Variants in ACSM5 observed in about 807,000 individuals in gnomAD.
ACSM5 encodes acyl-CoA synthetase medium chain family member 5.
In ACSM5, 56 loss-of-function variants were observed where a neutral mutation model predicts 71.6. The ratio of observed to expected loss-of-function variants is 0.78; its 90% CI spans 0.63 to 0.98. The LOEUF (loss-of-function observed/expected upper bound fraction) is 0.98. ACSM5 is among the 50% of genes least tolerant of loss of function. The pLI, the probability that ACSM5 is intolerant of heterozygous loss-of-function variation, is 0.00. For synonymous variants in ACSM5, 285 were observed against 281.5 expected (o/e 1.01, Z -0.12); for missense variants, 723 against 726.0 (o/e 1.00, Z 0.05).
At chr16:20,440,132 C>G (rs1296731128) in intron 13 of ACSM5, 13 of 688,930 alleles carry the variant, frequency 1.9e-5, no homozygotes, top group Non-Finnish European at 3.2e-5. Context: ...CTGATCCCTA[C>G]CACAAATCAG....
intron 4 of ACSM5, 197 bp from the exon 5 acceptor site, chr16:20,421,061 T>C (rs1158173189): frequency 4.1e-6 from 2 of 489,800 alleles, no homozygotes; most frequent in East Asian, 3.7e-5. Flanking sequence ...GAGCCTCAGT[T>C]TCCTGGTCTG....
chr16:20,425,030 C>A (rs1361353785), intron 6 of ACSM5, among the ~76,000 whole-genome samples: 1 of 152,088 alleles, frequency 6.6e-6, no homozygotes, highest in East Asian at 1.9e-4. Flanking sequence ...TTAAAATGTA[C>A]AATTAAGTTT....
chr16:20,434,375 G>A (rs1018158064), intron 10 of ACSM5, among the ~76,000 whole-genome samples: 1 of 152,092 alleles, frequency 6.6e-6, no homozygotes, highest in Non-Finnish European at 1.5e-5. Context: ...CCAGTTATCT[G>A]TCATGCTAAT....
rs1486596128 is a variant in ACSM5 at position 20,440,490 on chromosome 16, G to A, written c.*63G>A. 173 of 1,444,630 alleles carry A rather than the reference G, an allele frequency of 1.2e-4. 3 individuals carry two copies. Among genetic ancestry groups the A allele is most frequent in the Non-Finnish European group, 1.6e-4 (169 of 1,025,930 alleles). 89.5% of individuals were successfully genotyped at this position (1,444,630 alleles called of 1,614,324 possible). A position where few individuals can be genotyped will look rare whatever the true frequency, so the allele number is the denominator to read the frequency against. On this transcript the variant is annotated 3_prime_UTR_variant, in exon 14 of 14. Transcript: ENST00000331849. ...TCCACAAGAAACTAATGGATCACTG[G>A]TCAGTCCCCATGGGGAGCATCATCT... is the stretch of plus-strand genomic sequence containing the variant.
intron 12 of ACSM5, among the ~76,000 whole-genome samples, chr16:20,438,272 G>A: frequency 6.6e-6 from 1 of 151,940 alleles, no homozygotes; most frequent in Non-Finnish European, 1.5e-5. Flanking sequence ...TGCAACATTA[G>A]CCTGCATTCT....
chr16:20,422,104 ATTT>A (rs1436838303), intron 5 of ACSM5, among the ~76,000 whole-genome samples: 1 of 151,828 alleles, frequency 6.6e-6, no homozygotes, highest in Non-Finnish European at 1.5e-5. Flanking sequence ...ATTTATTTTT[ATTT>A]TTTATTTTAT....
Position 20,440,430 on chromosome 16 carries a change from T to C in ACSM5, c.*3T>C. 1 of 1,609,248 alleles carries C rather than the reference T, an allele frequency of 6.2e-7. No homozygotes were observed. The stretch of plus-strand genomic sequence containing the variant: ...GAAGTCAGGAGTGGGGGAAATGAGG[T>C]GCACCCCAGGAAGGCCCCGTAGACC... On this transcript the variant is annotated 3_prime_UTR_variant, in exon 14 of 14. Transcript: ENST00000331849.
At chr16:20,420,554 C>T (rs1472502563) in intron 4 of ACSM5, among the ~76,000 whole-genome samples, 2 of 152,168 alleles carry the variant, frequency 1.3e-5, no homozygotes, top group Non-Finnish European at 2.9e-5. Context: ...GAGCCAAGAT[C>T]CCGCCATTGC....
rs368976903 is a variant in ACSM5 at position 20,437,218 on chromosome 16, C to A, written c.1436+39C>A. ...CACTTTCCTCCTTCCTTTGAAATTT[C>A]ATGGGGGTTGAGGGAAGCCCACTTG... is the stretch of plus-strand genomic sequence containing the variant. On this transcript the variant is annotated intron_variant, in intron 11 of 13. Transcript: ENST00000331849. The A allele has an allele frequency of 6.6e-5, 107 of 1,614,104 alleles. No individual in the cohort carries two copies. In the East Asian group the frequency reaches 8.0e-4, roughly 12 times the overall value.
chr16:20,435,830 G>T lies in ACSM5; in HGVS notation c.1309-1222G>T, dbSNP rs374564768. Among the ~76,000 whole-genome samples the T allele has an allele frequency of 1.1e-3, 160 of 152,170 alleles. 3 individuals carry two copies. In the South Asian group the frequency reaches 0.032, roughly 30 times the overall value. On this transcript the variant is annotated intron_variant, in intron 10 of 13. Coordinates refer to ENST00000331849, the MANE Select transcript of ACSM5 (RefSeq NM_017888.3). ...AGTAGCTTTTTCTTTGAAACTTTGAGAATCAGAGTTTCATTGTTTTTCTCT... is the reference window on the plus strand; with the variant it reads ...AGTAGCTTTTTCTTTGAAACTTTGATAATCAGAGTTTCATTGTTTTTCTCT...
In ACSM5 at chr16:20,422,597, A is replaced by AT. The variant is rs538538906; in HGVS notation, c.767+1204dup. Among the ~76,000 whole-genome samples the AT allele has an allele frequency of 5.9e-5, 9 of 152,102 alleles. No homozygotes were observed. The East Asian group carries it at 1.2e-3, about 20-fold the overall frequency. On this transcript the variant is annotated intron_variant, in intron 5 of 13. Coordinates refer to ENST00000331849, the MANE Select transcript of ACSM5 (RefSeq NM_017888.3). ...GGATCATATGGTAATTCTATGTTTA[A>AT]TTTTTTTTGAGAAGCATTGGGTATT...
Position 20,425,702 on chromosome 16 carries a change from A to G in ACSM5, c.921+1633A>G, listed in dbSNP as rs559279452. 1.1e-3 allele frequency among the ~76,000 whole-genome samples: 173 copies of G among 152,274 alleles called. 2 individuals are homozygous for G. Among genetic ancestry groups the G allele is most frequent in the African/African-American group, 4.1e-3 (170 of 41,552 alleles). ...ATATTTGGTTTTCCATTTCTGAGTT[A>G]CTTTACTTAGAATAATAGTCTACAA... On this transcript the variant is annotated intron_variant, in intron 6 of 13. Coordinates refer to ENST00000331849, the MANE Select transcript of ACSM5 (RefSeq NM_017888.3).
At chr16:20,417,122 C>T (rs1337611954) in intron 2 of ACSM5, among the ~76,000 whole-genome samples, 1 of 151,736 alleles carries the variant, frequency 6.6e-6, no homozygotes, top group Non-Finnish European at 1.5e-5. Context: ...TGGTGCAGTG[C>T]TGTGGAAAAC....
chr16:20,423,924 T>C lies in ACSM5; in HGVS notation c.776T>C (p.Val259Ala). 6.2e-7 allele frequency: 1 copy of C among 1,613,966 alleles called. No homozygotes were observed. Among genetic ancestry groups the C allele is most frequent in the Non-Finnish European group, 8.5e-7 (1 of 1,179,958 alleles). ...LGFVASGRRWVALTESDIFWN... is the reference protein window; with the variant it reads ...LGFVASGRRWAALTESDIFWN... ...TCTCTAATTTTTGGCAGACGGTGGG[T>C]GGCCTTGACCGAATCTGACATCTTC... Residue 259 changes from valine (V) to alanine (A), a missense_variant, in exon 6 of 14, where the codon GTG becomes GCG. Coordinates refer to ENST00000331849, the MANE Select transcript of ACSM5 (RefSeq NM_017888.3).
intron 5 of ACSM5, among the ~76,000 whole-genome samples, chr16:20,421,666 CAT>C (rs1346963189): frequency 0.01 from 1,419 of 138,316 alleles, 33 homozygotes; most frequent in African/African-American, 0.037. Flanking sequence ...TACACACACA[CAT>C]ATATATACAT....
chr16:20,419,201 T>C, intron 3 of ACSM5, 27 bp from the exon 4 acceptor site: 3 of 1,613,018 alleles, frequency 1.9e-6, no homozygotes, highest in Non-Finnish European at 2.5e-6. Context: ...CGCTATCCAC[T>C]CAACATCCCC....
At chr16:20,423,136 A>C (rs1966910664) in intron 5 of ACSM5, among the ~76,000 whole-genome samples, 1 of 152,156 alleles carries the variant, frequency 6.6e-6, no homozygotes, top group Non-Finnish European at 1.5e-5. Context: ...AGCAAAGTGT[A>C]ATATAAACTG....
At chr16:20,427,166 T>G (rs1966997539) in intron 6 of ACSM5, among the ~76,000 whole-genome samples, 1 of 151,868 alleles carries the variant, frequency 6.6e-6, no homozygotes, top group African/African-American at 2.4e-5. Flanking sequence ...CCGGGCCTGG[T>G]GGTGGGCACC....
Position 20,439,691 on chromosome 16 carries a change from A to C in ACSM5, c.1537-109A>C, listed in dbSNP as rs569741172. On this transcript the variant is annotated intron_variant, in intron 12 of 13. Coordinates refer to ENST00000331849, the MANE Select transcript of ACSM5 (RefSeq NM_017888.3). Reference sequence around the variant, plus strand: ...GGCTGTGCCCAAAAAAAACTAGTAGAACTTTCATGGTGCAAAGGTAAATGT... The same window carrying C: ...GGCTGTGCCCAAAAAAAACTAGTAGCACTTTCATGGTGCAAAGGTAAATGT... 29 of 1,307,292 alleles carry C rather than the reference A, an allele frequency of 2.2e-5. 1 individual carries two copies. The East Asian group carries it at 3.0e-4, about 13-fold the overall frequency. The allele number at this position is 1,307,292 out of a possible 1,614,324, so 81.0% of individuals were successfully genotyped here.
Sources: gnomAD v4.1 joint callset for allele counts (sites outside exome capture counted in the v4.1 genomes callset) on GRCh38, gnomAD v4.1.1 for gene constraint, MANE v1.5 for transcripts, NCBI Gene and HGNC (gene_info 2026-07-23, HGNC 2026-07-21) for gene names.